The following TGFBRAP1 variants were observed in gnomAD, a reference collection of about 807,000 sequenced individuals.
TGFBRAP1 encodes transforming growth factor beta receptor associated protein 1.
A neutral mutation model predicts 83.2 loss-of-function variants in TGFBRAP1; 20 were observed. That is an observed-to-expected ratio of 0.24 (90% CI 0.17 to 0.35). TGFBRAP1 has a LOEUF of 0.35. Among genes scored for constraint, TGFBRAP1 ranks in the 10% least tolerant of loss-of-function variants. TGFBRAP1 has a pLI of 1.00. For synonymous variants in TGFBRAP1, 415 were observed against 459.8 expected (o/e 0.90, Z 1.25); for missense variants, 950 against 1,099.4 (o/e 0.86, Z 1.92).
intron 1 of TGFBRAP1, among the ~76,000 whole-genome samples, chr2:105,314,996 A>G (rs1678810377): frequency 6.6e-6 from 1 of 151,420 alleles, no homozygotes; most frequent in Admixed American, 6.6e-5. Flanking sequence ...ACATAAAATT[A>G]TAATTATTCA....
intron 2 of TGFBRAP1, among the ~76,000 whole-genome samples, chr2:105,306,579 C>T (rs1037138132): frequency 2.6e-5 from 4 of 151,958 alleles, no homozygotes; most frequent in African/African-American, 9.6e-5. Flanking sequence ...GGGTGGATCC[C>T]TTGAGGTCAG....
downstream of TGFBRAP1, among the ~76,000 whole-genome samples, chr2:105,260,283 G>T (rs982765075): frequency 2.0e-5 from 3 of 152,096 alleles, no homozygotes; most frequent in Non-Finnish European, 4.4e-5. Context: ...GGTGGCATGC[G>T]CCTATAATCC....
chr2:105,259,573 G>T (rs1288491622), downstream of TGFBRAP1, among the ~76,000 whole-genome samples: 1 of 152,136 alleles, frequency 6.6e-6, no homozygotes, highest in Non-Finnish European at 1.5e-5. Context: ...CTTCCCAAAA[G>T]ATGTTGTAGA....
intron 2 of TGFBRAP1, among the ~76,000 whole-genome samples, chr2:105,299,122 A>T (rs1358080437): frequency 1.3e-5 from 2 of 151,926 alleles, no homozygotes; most frequent in Non-Finnish European, 2.9e-5. Context: ...CCTTACAAAA[A>T]ATATAAAAAT....
chr2:105,252,892 A>G, the TGFBRAP1 span, among the ~76,000 whole-genome samples: 1 of 149,960 alleles, frequency 6.7e-6, no homozygotes, highest in Admixed American at 6.7e-5. Flanking sequence ...AGCTGGGACT[A>G]CAGGGGTCCA....
At chr2:105,311,731 T>C (rs1273458305) in intron 1 of TGFBRAP1, among the ~76,000 whole-genome samples, 1 of 151,940 alleles carries the variant, frequency 6.6e-6, no homozygotes, top group African/African-American at 2.4e-5. Flanking sequence ...AAACCCCGTC[T>C]CTACTAAAAA....
chr2:105,294,608 G>A (rs997211246), intron 4 of TGFBRAP1, among the ~76,000 whole-genome samples: 1 of 152,146 alleles, frequency 6.6e-6, no homozygotes, highest in Non-Finnish European at 1.5e-5. Context: ...TTCTGAAGGT[G>A]TATTTCCAGG....
the TGFBRAP1 span, among the ~76,000 whole-genome samples, chr2:105,250,067 G>C: frequency 6.6e-6 from 1 of 152,214 alleles, no homozygotes; most frequent in African/African-American, 2.4e-5. Flanking sequence ...GGGAGGAGCA[G>C]GGAACAAGGT....
At position 105,298,656 on chromosome 2, in the gene TGFBRAP1, C is replaced by A; in HGVS notation, c.738G>T (p.Trp246Cys). The A allele has an allele frequency of 6.2e-7, 1 of 1,613,810 alleles. No individual in the cohort carries two copies. The highest frequency in any genetic ancestry group is 8.5e-7 in the Non-Finnish European group (1 of 1,179,824). ...CAGCCGCCCCAATCACATTCTCCGA[C>A]CAGTGCACGGGGGCGCGCTGGGATA... Reference protein sequence around the residue: ...AGISQRAPVHWSENVIGAAVS... With the variant: ...AGISQRAPVHCSENVIGAAVS... The change falls in exon 3 of 12, where the codon TGG (tryptophan) becomes TGT (cysteine). Residue 246 changes from tryptophan to cysteine, a missense_variant. Trp to Cys is a radical substitution (Grantham distance 215). Coordinates refer to ENST00000393359, the MANE Select transcript of TGFBRAP1 (RefSeq NM_004257.6).
rs1678058236 is a variant in TGFBRAP1, at chr2:105,295,629, G to A, written c.1038+727C>T. Among the ~76,000 whole-genome samples the A allele has an allele frequency of 2.0e-5, 3 of 151,922 alleles. No homozygotes were observed. In the South Asian group the frequency reaches 6.2e-4, roughly 32 times the overall value. ...GGATCGAGACCATCCTGGCCAACATGGTGAAACCCCATCTCTATTAAAAAT... is the reference window on the plus strand; with the variant it reads ...GGATCGAGACCATCCTGGCCAACATAGTGAAACCCCATCTCTATTAAAAAT... On this transcript the variant is annotated intron_variant, in intron 4 of 11. Coordinates refer to ENST00000393359, the MANE Select transcript of TGFBRAP1 (RefSeq NM_004257.6).
At chr2:105,302,949 A>G (rs1678351480) in intron 2 of TGFBRAP1, among the ~76,000 whole-genome samples, 1 of 152,230 alleles carries the variant, frequency 6.6e-6, no homozygotes. Flanking sequence ...CAGAGTTTCC[A>G]ATAATTATAC....
At chr2:105,329,542 C>T in intron 1 of TGFBRAP1, 83 bp downstream of exon 1, 1 of 147,718 alleles carries the variant, frequency 6.8e-6, no homozygotes, top group Admixed American at 6.7e-5. Context: ...CGCCTACCCC[C>T]CACTCCTGCT....
intron 2 of TGFBRAP1, among the ~76,000 whole-genome samples, 170 bp downstream of exon 2, chr2:105,307,444 C>T (rs1182712686): frequency 6.6e-6 from 1 of 152,190 alleles, no homozygotes. Context: ...ACAGAACAAT[C>T]GAACTGGATT....
intron 9 of TGFBRAP1, among the ~76,000 whole-genome samples, 197 bp downstream of exon 9, chr2:105,273,347 C>A (rs2304543): frequency 0.19 from 28,563 of 151,950 alleles, 3,373 homozygotes; most frequent in East Asian, 0.52. Flanking sequence ...GGGTGTGAGA[C>A]GGACGGAGAA....
At chr2:105,293,222 C>T (rs1370618282) in intron 4 of TGFBRAP1, among the ~76,000 whole-genome samples, 3 of 152,160 alleles carry the variant, frequency 2.0e-5, no homozygotes, top group Non-Finnish European at 4.4e-5. Flanking sequence ...AATATAAACA[C>T]CATCCATATT....
the TGFBRAP1 span, among the ~76,000 whole-genome samples, chr2:105,252,773 GAC>G: frequency 1.5e-5 from 1 of 67,676 alleles, no homozygotes; most frequent in South Asian, 5.1e-4. Flanking sequence ...TTTTTTTTGA[GAC>G]AGAGTCTTTC....
chr2:105,253,827 G>A, the TGFBRAP1 span, among the ~76,000 whole-genome samples: 1 of 152,174 alleles, frequency 6.6e-6, no homozygotes, highest in Non-Finnish European at 1.5e-5. Context: ...AACAACCAGT[G>A]TGTTTATTGG....
the TGFBRAP1 span, among the ~76,000 whole-genome samples, chr2:105,250,694 CT>C: frequency 2.6e-5 from 4 of 151,798 alleles, no homozygotes; most frequent in African/African-American, 4.8e-5. Context: ...CGGTCTCCCC[CT>C]GATGCCGAGC....
intron 1 of TGFBRAP1, among the ~76,000 whole-genome samples, chr2:105,316,477 G>GCA (rs1678878184): frequency 1.4e-5 from 1 of 69,104 alleles, no homozygotes; most frequent in Non-Finnish European, 3.5e-5. Context: ...GCGCGCGCGC[G>GCA]CGCACGCGCA....
Sources: allele counts gnomAD v4.1 joint callset (sites outside exome capture counted in the v4.1 genomes callset), GRCh38; gene constraint gnomAD v4.1.1; transcripts MANE v1.5; gene names NCBI Gene and HGNC (gene_info 2026-07-23, HGNC 2026-07-21).